The following DPP6 variants were observed in gnomAD, a reference collection of about 807,000 sequenced individuals.
The protein encoded by DPP6 is dipeptidyl peptidase like 6, also known as A-type potassium channel modulatory protein DPP6.
A neutral mutation model predicts 122.6 loss-of-function variants in DPP6; 69 were observed. The observed-to-expected ratio is 0.56, with a 90% CI of 0.46 to 0.69. The LOEUF is 0.69. Ranked by LOEUF, DPP6 falls within the 30% of genes least tolerant of loss-of-function variation. DPP6 has a pLI of 0.00. For missense variants in DPP6, 928 were observed against 1,116.9 expected (o/e 0.83, Z 2.41); for synonymous variants, 418 against 433.1 (o/e 0.97, Z 0.43).
chr7:154,622,641 T>C (rs1834767039), intron 5 of DPP6, among the ~76,000 whole-genome samples: 1 of 152,166 alleles, frequency 6.6e-6, no homozygotes, highest in Non-Finnish European at 1.5e-5. Context: ...CTACTCTAAC[T>C]GTAGATACAC....
At chr7:154,749,754 G>C (rs1843269168) in intron 8 of DPP6, among the ~76,000 whole-genome samples, 1 of 61,850 alleles carries the variant, frequency 1.6e-5, no homozygotes. Context: ...GGAAAGAGAG[G>C]GATGGAGGCT....
At chr7:154,165,586 A>T (rs1004588313) in intron 1 of DPP6, among the ~76,000 whole-genome samples, 1 of 151,522 alleles carries the variant, frequency 6.6e-6, no homozygotes. Flanking sequence ...CGCCACACTG[A>T]CTTCCACAAT....
In DPP6 at chr7:154,712,683, C is replaced by A. The variant is rs185166365; in HGVS notation, c.763-15084C>A. ...AACCATCAGATCTCATGAGAACCAG[C>A]TCACTATCAGCATAACAGGATAGGG... On this transcript the variant is annotated intron_variant, in intron 7 of 25. Coordinates refer to ENST00000377770, the MANE Select transcript of DPP6 (RefSeq NM_130797.4). Among the ~76,000 whole-genome samples the A allele has an allele frequency of 1.6e-3, 249 of 152,338 alleles. 1 individual carries two copies. The highest frequency in any genetic ancestry group is 1.5e-3 in the East Asian group (8 of 5,178).
intron 1 of DPP6, among the ~76,000 whole-genome samples, chr7:154,335,305 A>AAAAAC (rs536036517): frequency 1.2e-4 from 17 of 143,704 alleles, no homozygotes; most frequent in East Asian, 9.7e-4. Context: ...GTATTTCTTA[A>AAAAAC]AAAACAAAAC....
At chr7:154,872,172 G>A (rs947961108) in intron 18 of DPP6, among the ~76,000 whole-genome samples, 3 of 152,078 alleles carry the variant, frequency 2.0e-5, no homozygotes, top group Non-Finnish European at 2.9e-5. Context: ...CCCTCTAGGC[G>A]GCCCCCTGTC....
the DPP6 span, among the ~76,000 whole-genome samples, chr7:153,825,313 G>A: frequency 1.3e-5 from 2 of 152,004 alleles, no homozygotes; most frequent in Non-Finnish European, 2.9e-5. Flanking sequence ...CACCTCCAAA[G>A]GCTCTACCGT....
chr7:154,538,346 G>T (rs1236719405), intron 3 of DPP6, among the ~76,000 whole-genome samples: 5 of 152,046 alleles, frequency 3.3e-5, no homozygotes, highest in Non-Finnish European at 5.9e-5. Context: ...CATCACCTAG[G>T]TATTAAGCCC....
intron 1 of DPP6, among the ~76,000 whole-genome samples, chr7:153,919,319 C>T (rs1800524777): frequency 6.6e-6 from 1 of 152,144 alleles, no homozygotes; most frequent in Non-Finnish European, 1.5e-5. Context: ...ATGCAGCCTC[C>T]TGGGGCACCA....
chr7:153,830,868 C>G, the DPP6 span, among the ~76,000 whole-genome samples: 217 of 152,356 alleles, frequency 1.4e-3, no homozygotes, highest in Admixed American at 4.6e-3. Context: ...CTGACTGCTT[C>G]ACTTCCAATG....
At position 154,212,230 on chromosome 7, in the gene DPP6, A is replaced by G. The variant is rs184611015; in HGVS notation, c.243+159167A>G. On this transcript the variant is annotated intron_variant, in intron 1 of 25. Transcript: ENST00000377770. ...TATTCCTACAGCCACATTCCAGAAC[A>G]TGCTGATTTTCTCATTTCAGGACAG... is the stretch of plus-strand genomic sequence containing the variant. Among the ~76,000 whole-genome samples, 474 of 152,242 alleles carry G rather than the reference A, an allele frequency of 3.1e-3. 1 individual carries two copies. Among genetic ancestry groups the G allele is most frequent in the Non-Finnish European group, 5.1e-3 (347 of 68,018 alleles).
intron 1 of DPP6, among the ~76,000 whole-genome samples, chr7:154,295,046 C>T (rs73727951): frequency 0.079 from 11,995 of 152,302 alleles, 676 homozygotes; most frequent in East Asian, 0.2. Flanking sequence ...CCTGTGCCGG[C>T]GCTCCCTTGC....
rs1210619614 is a variant in DPP6, at chr7:154,061,718, G to A, written c.243+8655G>A. ...TCGCAGGGGGGGAGGCAATCCCCGC[G>A]AGGCGGGGACTGCGAACCTCCCCCT... On this transcript the variant is annotated intron_variant, in intron 1 of 25. Transcript: ENST00000377770. Among the ~76,000 whole-genome samples the A allele has an allele frequency of 1.6e-4, 14 of 89,266 alleles. 1 individual carries two copies. Among genetic ancestry groups the A allele is most frequent in the Admixed American group, 1.2e-3 (11 of 9,308 alleles). 58.6% of individuals were successfully genotyped at this position (89,266 alleles called of 152,430 possible).
At chr7:154,560,201 G>A (rs1268130928) in intron 4 of DPP6, among the ~76,000 whole-genome samples, 1 of 152,022 alleles carries the variant, frequency 6.6e-6, no homozygotes, top group Non-Finnish European at 1.5e-5. Context: ...TGTAGAATTA[G>A]TTAACTAGTT....
chr7:154,738,345 G>A (rs149773040), intron 8 of DPP6, among the ~76,000 whole-genome samples: 10 of 152,172 alleles, frequency 6.6e-5, no homozygotes, highest in South Asian at 2.1e-4. Context: ...CTTCCTCTTC[G>A]TGGCTCCTTG....
chr7:153,785,446 GT>G, the DPP6 span, among the ~76,000 whole-genome samples: 1 of 151,994 alleles, frequency 6.6e-6, no homozygotes, highest in African/African-American at 2.4e-5. Context: ...TTTTATAGGG[GT>G]AATCTCATCC....
Position 154,007,774 on chromosome 7 carries a change from G to A in DPP6, c.51+120040G>A, listed in dbSNP as rs79071241. Among the ~76,000 whole-genome samples, 404 of 152,206 alleles carry A rather than the reference G, an allele frequency of 2.7e-3. 7 individuals are homozygous for A. The East Asian group carries it at 0.062, about 23-fold the overall frequency. ...CTGCTGCAGGAATTGGTGTCCACAG[G>A]GGGTTCTGGAGCCAATTCTCCACAG... On this transcript the variant is annotated intron_variant, in intron 1 of 25. Coordinates refer to the DPP6 transcript ENST00000404039.
intron 1 of DPP6, among the ~76,000 whole-genome samples, chr7:154,209,673 A>G (rs1799637112): frequency 6.6e-6 from 1 of 152,146 alleles, no homozygotes; most frequent in Non-Finnish European, 1.5e-5. Flanking sequence ...ACCACCATGA[A>G]TTATCATCAT....
chr7:154,409,286 C>T (rs1470237672), intron 1 of DPP6, among the ~76,000 whole-genome samples: 1 of 152,122 alleles, frequency 6.6e-6, no homozygotes, highest in Non-Finnish European at 1.5e-5. Context: ...GAGATTAGGA[C>T]ACAGCCATGC....
intron 10 of DPP6, among the ~76,000 whole-genome samples, chr7:154,782,543 A>G (rs935607627): frequency 6.6e-6 from 1 of 152,084 alleles, no homozygotes; most frequent in Admixed American, 6.5e-5. Context: ...TTCAAAGAAT[A>G]TTTAGTAAGG....
Sources: gnomAD v4.1 joint callset for allele counts (sites outside exome capture counted in the v4.1 genomes callset) on GRCh38, gnomAD v4.1.1 for gene constraint, MANE v1.5 for transcripts, NCBI Gene and HGNC (gene_info 2026-07-23, HGNC 2026-07-21) for gene names.